IGSF10: variants seen among roughly 807,000 people sequenced by gnomAD.
The protein encoded by IGSF10 is immunoglobulin superfamily member 10, also known as calvaria mechanical force protein 608.
IGSF10 carries 126 observed loss-of-function variants against 128.2 expected under a neutral mutation model. That is an observed-to-expected ratio of 0.98 (90% CI 0.85 to 1.14). The LOEUF (loss-of-function observed/expected upper bound fraction) is 1.14, where lower values mean the gene tolerates loss of function less well. Among genes scored for constraint, IGSF10 ranks in the 50% most tolerant of loss-of-function variants. IGSF10 has a pLI of 0.00. For synonymous variants in IGSF10, 1,185 were observed against 1,146.2 expected (o/e 1.03, Z -0.68); for missense variants, 3,295 against 3,149.8 (o/e 1.05, Z -1.10).
intron 2 of IGSF10, among the ~76,000 whole-genome samples, chr3:151,459,410 AATC>A (rs1721949811): frequency 6.6e-6 from 1 of 152,204 alleles, no homozygotes; most frequent in Non-Finnish European, 1.5e-5. Flanking sequence ...AGGGAGAATA[AATC>A]TCTTTCTAAC....
the IGSF10 span, among the ~76,000 whole-genome samples, chr3:151,469,706 C>T: frequency 2.0e-4 from 31 of 152,234 alleles, no homozygotes; most frequent in Non-Finnish European, 2.9e-4. Flanking sequence ...TCATCCTAAA[C>T]CTTTGCCTAA....
chr3:151,544,642 C>G, the IGSF10 span, among the ~76,000 whole-genome samples: 2 of 151,566 alleles, frequency 1.3e-5, no homozygotes, highest in Non-Finnish European at 2.9e-5. Context: ...TCCAAATCCT[C>G]TGTTCAATGA....
the IGSF10 span, among the ~76,000 whole-genome samples, chr3:151,483,633 G>T: frequency 1.3e-5 from 2 of 152,150 alleles, no homozygotes; most frequent in East Asian, 1.9e-4. Context: ...CACTGGGACT[G>T]GTTGGACAAT....
chr3:151,445,849 CAGG>C lies in IGSF10; in HGVS notation c.4129_4131del (p.Pro1377del), dbSNP rs1721153575. 6.2e-7 allele frequency: 1 copy of C among 1,614,054 alleles called. No individual in the cohort carries two copies. The highest frequency in any genetic ancestry group is 1.3e-5 in the African/African-American group (1 of 74,916). The stretch of plus-strand genomic sequence containing the variant: ...ACTGAAGTTTCGGCTGTGGTTAGAA[CAGG>C]AGGTGTCATAGCAGTGGGTGTAGTG... On this transcript the variant is annotated inframe_deletion, in exon 6 of 8. Coordinates refer to ENST00000282466, the MANE Select transcript of IGSF10 (RefSeq NM_178822.5).
the IGSF10 span, among the ~76,000 whole-genome samples, chr3:151,485,410 T>C: frequency 6.6e-6 from 1 of 152,176 alleles, no homozygotes; most frequent in African/African-American, 2.4e-5. Flanking sequence ...TTCCCCAATC[T>C]AGCAAGATGG....
At chr3:151,522,931 A>G in the IGSF10 span, among the ~76,000 whole-genome samples, 41 of 152,138 alleles carry the variant, frequency 2.7e-4, no homozygotes, top group African/African-American at 9.9e-4. Context: ...TATCTAGAAA[A>G]CCTCATAGTC....
chr3:151,542,000 T>C, the IGSF10 span, among the ~76,000 whole-genome samples: 1 of 152,210 alleles, frequency 6.6e-6, no homozygotes, highest in Non-Finnish European at 1.5e-5. Context: ...CTTAAATTAC[T>C]GTTGCTTTCA....
Position 151,453,488 on chromosome 3 carries a change from A to G in IGSF10, c.611T>C (p.Met204Thr). 1 of 1,614,002 alleles carries G rather than the reference A, an allele frequency of 6.2e-7. No individual in the cohort carries two copies. Among genetic ancestry groups the G allele is most frequent in the Non-Finnish European group, 8.5e-7 (1 of 1,179,850 alleles). ...GTCTAGGTCAGGCATATAGGAGACCATCTCTTGAGGGAGGGAGGTCAGGAA... is the reference window on the plus strand; with the variant it reads ...GTCTAGGTCAGGCATATAGGAGACCGTCTCTTGAGGGAGGGAGGTCAGGAA... ...DNFLTSLPQEMVSYMPDLDSL... is the reference protein window; with the variant it reads ...DNFLTSLPQETVSYMPDLDSL... The change falls in exon 5 of 8, where the codon ATG becomes ACG. Residue 204 changes from methionine to threonine, a missense_variant. Coordinates refer to ENST00000282466, the MANE Select transcript of IGSF10 (RefSeq NM_178822.5).
chr3:151,570,134 T>C, the IGSF10 span, among the ~76,000 whole-genome samples: 1 of 152,222 alleles, frequency 6.6e-6, no homozygotes, highest in Non-Finnish European at 1.5e-5. Context: ...CAGTCTATCA[T>C]TGTTGGACAT....
chr3:151,562,598 A>G, the IGSF10 span, among the ~76,000 whole-genome samples: 37 of 152,178 alleles, frequency 2.4e-4, no homozygotes, highest in African/African-American at 7.5e-4. Context: ...AAACCACCTC[A>G]TTTTAAGGAA....
chr3:151,499,059 AC>A, the IGSF10 span, among the ~76,000 whole-genome samples: 1 of 152,172 alleles, frequency 6.6e-6, no homozygotes, highest in East Asian at 1.9e-4. Context: ...GCAAGTGAGT[AC>A]ATTTTACTTT....
the IGSF10 span, among the ~76,000 whole-genome samples, chr3:151,533,866 C>T: frequency 9.5e-4 from 144 of 152,230 alleles, no homozygotes; most frequent in African/African-American, 2.6e-3. Context: ...AGTGAACAGG[C>T]GACCTACAGA....
At chr3:151,452,061 T>C (rs947257925) in intron 5 of IGSF10, among the ~76,000 whole-genome samples, 7 of 152,188 alleles carry the variant, frequency 4.6e-5, no homozygotes, top group Non-Finnish European at 8.8e-5. Flanking sequence ...CTTGAAATCA[T>C]GAAAATTTTT....
At chr3:151,521,399 AG>A in the IGSF10 span, among the ~76,000 whole-genome samples, 3 of 151,946 alleles carry the variant, frequency 2.0e-5, no homozygotes, top group African/African-American at 7.2e-5. Context: ...ACCCAAAAAC[AG>A]ACTATCATGC....
the IGSF10 span, among the ~76,000 whole-genome samples, chr3:151,531,685 C>T: frequency 5.5e-4 from 83 of 151,986 alleles, no homozygotes; most frequent in African/African-American, 1.8e-3. Context: ...TCTAAAGCAG[C>T]GTGTAGAGAG....
At chr3:151,474,807 T>C in the IGSF10 span, among the ~76,000 whole-genome samples, 2 of 152,050 alleles carry the variant, frequency 1.3e-5, no homozygotes, top group Non-Finnish European at 2.9e-5. Context: ...ACATATTATG[T>C]GGATGGCAGC....
the IGSF10 span, among the ~76,000 whole-genome samples, chr3:151,550,925 C>T: frequency 6.6e-6 from 1 of 152,164 alleles, no homozygotes; most frequent in Admixed American, 6.5e-5. Flanking sequence ...GCTGATGTTG[C>T]TCCCTTGGTG....
chr3:151,561,495 G>A, the IGSF10 span, among the ~76,000 whole-genome samples: 1 of 152,100 alleles, frequency 6.6e-6, no homozygotes, highest in Non-Finnish European at 1.5e-5. Context: ...ATTGCTCATC[G>A]ATGCAAAATG....
the IGSF10 span, among the ~76,000 whole-genome samples, chr3:151,598,070 GGTGTGTGTGTGT>G: frequency 5.7e-4 from 79 of 137,776 alleles, no homozygotes; most frequent in South Asian, 9.2e-3. Context: ...AATGAGTACT[GGTGTGTGTGTGT>G]GTGTGTGTGT....
Sources: gnomAD v4.1 joint callset for allele counts (sites outside exome capture counted in the v4.1 genomes callset) on GRCh38, gnomAD v4.1.1 for gene constraint, MANE v1.5 for transcripts, NCBI Gene and HGNC (gene_info 2026-07-23, HGNC 2026-07-21) for gene names.